The following COG5 variants were observed in gnomAD, a reference collection of about 807,000 sequenced individuals.
COG5 encodes conserved oligomeric Golgi complex subunit 5.
A neutral mutation model predicts 110.4 loss-of-function variants in COG5; 86 were observed. That is an observed-to-expected ratio of 0.78 (90% CI 0.65 to 0.93). The LOEUF (loss-of-function observed/expected upper bound fraction) is 0.93, where lower values mean the gene tolerates loss of function less well. COG5 is among the 40% of genes least tolerant of loss of function. The pLI is 0.00. For synonymous variants in COG5, 360 were observed against 334.6 expected (o/e 1.08, Z -0.83); for missense variants, 1,077 against 987.0 (o/e 1.09, Z -1.22).
chr7:107,451,885 AAGTTTC>A (rs1795362262), intron 6 of COG5, among the ~76,000 whole-genome samples: 1 of 152,142 alleles, frequency 6.6e-6, no homozygotes, highest in South Asian at 2.1e-4. Flanking sequence ...ATTAGCAGTT[AAGTTTC>A]TGGGGAGTCA....
chr7:107,246,913 T>C (rs1039817807), intron 17 of COG5, among the ~76,000 whole-genome samples: 9 of 152,170 alleles, frequency 5.9e-5, no homozygotes, highest in Non-Finnish European at 1.3e-4. Flanking sequence ...TAAAAACATA[T>C]GCATGTGCAT....
At chr7:107,363,952 T>C (rs1435413289) in intron 8 of COG5, among the ~76,000 whole-genome samples, 1 of 145,904 alleles carries the variant, frequency 6.9e-6, no homozygotes, top group Non-Finnish European at 1.5e-5. Flanking sequence ...CAAAACTCCA[T>C]CTCAAAAAAA....
chr7:107,535,523 C>T (rs576985639), intron 5 of COG5, among the ~76,000 whole-genome samples: 7 of 151,974 alleles, frequency 4.6e-5, no homozygotes, highest in Non-Finnish European at 7.4e-5. Context: ...TCACAGAATA[C>T]CATAAACACC....
intron 12 of COG5, among the ~76,000 whole-genome samples, chr7:107,295,446 C>T (rs751528680): frequency 1.8e-4 from 28 of 152,144 alleles, no homozygotes; most frequent in Admixed American, 1.0e-3. Context: ...GAAAATTTGA[C>T]ACAAGTAATG....
In COG5 at chr7:107,248,411, T is replaced by C. The variant is rs1186643281; in HGVS notation, c.1838A>G (p.Gln613Arg). The C allele has an allele frequency of 7.5e-6, 12 of 1,608,720 alleles. No homozygotes were observed. The highest frequency in any genetic ancestry group is 1.1e-5 in the South Asian group (1 of 90,956). Residue 613 changes from glutamine to arginine, a missense_variant, in exon 17 of 22, where the codon CAA becomes CGA. Coordinates refer to ENST00000297135, the MANE Select transcript of COG5 (RefSeq NM_006348.5). ...AAGTAATTACCCAGAAAAGTCTTCT[T>C]GATGCATGGTGATGATTATGGCCTC... The part of the protein sequence containing the change: ...AIEAIIITMH[Q>R]EDFSGSLSSS...
At chr7:107,293,359 GC>G (rs1255018803) in intron 12 of COG5, among the ~76,000 whole-genome samples, 2 of 152,098 alleles carry the variant, frequency 1.3e-5, no homozygotes, top group African/African-American at 4.8e-5. Context: ...CAGGAAGAGA[GC>G]CTTCCAGCTG....
intron 16 of COG5, among the ~76,000 whole-genome samples, chr7:107,249,109 A>G (rs117383245): frequency 5.9e-5 from 9 of 152,272 alleles, no homozygotes; most frequent in Non-Finnish European, 1.0e-4. Flanking sequence ...ACCCGCAAGT[A>G]GGCTCCAGAA....
At chr7:107,414,687 A>T (rs1792570294) in intron 6 of COG5, among the ~76,000 whole-genome samples, 1 of 134,760 alleles carries the variant, frequency 7.4e-6, no homozygotes, top group African/African-American at 2.6e-5. Flanking sequence ...TATTGATTCC[A>T]AAATCCTCAC....
At chr7:107,344,063 C>G (rs1039177179) in intron 10 of COG5, among the ~76,000 whole-genome samples, 3 of 152,104 alleles carry the variant, frequency 2.0e-5, no homozygotes, top group South Asian at 4.1e-4. Flanking sequence ...CTTAATGTTA[C>G]CAGGGGCATT....
At chr7:107,351,201 A>G (rs1165393728) in intron 10 of COG5, among the ~76,000 whole-genome samples, 2 of 152,212 alleles carry the variant, frequency 1.3e-5, no homozygotes, top group Non-Finnish European at 2.9e-5. Context: ...AAAAACAAGC[A>G]ATGGGGAAAG....
intron 19 of COG5, among the ~76,000 whole-genome samples, chr7:107,227,326 T>C (rs1482323759): frequency 6.6e-6 from 1 of 152,116 alleles, no homozygotes; most frequent in Non-Finnish European, 1.5e-5. Context: ...TACAAGTATA[T>C]GCCAAATATC....
intron 19 of COG5, among the ~76,000 whole-genome samples, chr7:107,215,088 C>A (rs1444644535): frequency 6.6e-6 from 1 of 151,946 alleles, no homozygotes; most frequent in Non-Finnish European, 1.5e-5. Flanking sequence ...GCTTGAAATA[C>A]CCTGTTATGA....
At chr7:107,328,041 CTAT>C (rs1809920923) in intron 10 of COG5, among the ~76,000 whole-genome samples, 2 of 152,160 alleles carry the variant, frequency 1.3e-5, no homozygotes, top group African/African-American at 4.8e-5. Context: ...ACCCAAATGT[CTAT>C]CAAAGAATGA....
At chr7:107,210,504 C>G (rs1799082880) in intron 21 of COG5, 22 bp downstream of exon 21, 1 of 1,579,444 alleles carries the variant, frequency 6.3e-7, no homozygotes, top group Non-Finnish European at 8.6e-7. Context: ...CAGATGGGTG[C>G]CCCCAGAGCA....
At chr7:107,300,460 A>G (rs900341178) in intron 11 of COG5, among the ~76,000 whole-genome samples, 6 of 152,204 alleles carry the variant, frequency 3.9e-5, no homozygotes, top group Admixed American at 2.0e-4. Context: ...TAGAGTTAAC[A>G]TAATAACTGA....
intron 21 of COG5, 158 bp downstream of exon 21, chr7:107,210,368 T>C: frequency 7.6e-6 from 11 of 1,439,660 alleles, no homozygotes; most frequent in Non-Finnish European, 9.1e-6. Context: ...CAACTGCTGG[T>C]TGCTCCAGCA....
At chr7:107,562,086 C>G (rs910806372) in intron 1 of COG5, among the ~76,000 whole-genome samples, 50 of 152,290 alleles carry the variant, frequency 3.3e-4, no homozygotes, top group African/African-American at 1.2e-3. Context: ...AGGTTAAATT[C>G]ATAGGTTTGA....
chr7:107,526,029 T>C (rs918257680), intron 6 of COG5, among the ~76,000 whole-genome samples: 1 of 152,232 alleles, frequency 6.6e-6, no homozygotes, highest in Non-Finnish European at 1.5e-5. Context: ...AAGGATTTCC[T>C]TGATTAACAA....
intron 10 of COG5, among the ~76,000 whole-genome samples, chr7:107,328,224 A>G (rs773638137): frequency 2.6e-5 from 4 of 152,206 alleles, no homozygotes; most frequent in Non-Finnish European, 4.4e-5. Context: ...GTGATAGCCT[A>G]TCACTCCTGG....
Sources: allele counts gnomAD v4.1 joint callset (sites outside exome capture counted in the v4.1 genomes callset), GRCh38; gene constraint gnomAD v4.1.1; transcripts MANE v1.5; gene names NCBI Gene and HGNC (gene_info 2026-07-23, HGNC 2026-07-21).